The following RBFOX1 variants were observed in gnomAD, a reference collection of about 807,000 sequenced individuals.
RBFOX1 encodes the protein RNA binding fox-1 homolog 1, also known as RNA binding protein fox-1 homolog 1.
Under a neutral mutation model 57.7 loss-of-function variants are expected in RBFOX1, and 8 were observed. The ratio of observed to expected loss-of-function variants is 0.14; its 90% CI spans 0.08 to 0.25. The LOEUF (loss-of-function observed/expected upper bound fraction) is 0.25, where lower values mean the gene tolerates loss of function less well. RBFOX1 is among the 10% of genes least tolerant of loss of function. RBFOX1 has a pLI of 1.00. For missense variants in RBFOX1, 611 were observed against 548.5 expected (o/e 1.11, Z -1.14); for synonymous variants, 326 against 222.4 (o/e 1.47, Z -4.15).
intron 11 of RBFOX1, among the ~76,000 whole-genome samples, chr16:7,641,550 C>G (rs562129937): frequency 1.3e-5 from 2 of 152,284 alleles, no homozygotes; most frequent in South Asian, 4.1e-4. Context: ...ATGCCTAATA[C>G]TTTTCATATG....
intron 14 of RBFOX1, among the ~76,000 whole-genome samples, chr16:7,683,580 G>A (rs2075395824): frequency 6.6e-6 from 1 of 151,836 alleles, no homozygotes; most frequent in Non-Finnish European, 1.5e-5. Flanking sequence ...CAGCCACGTG[G>A]GTAGACACTT....
intron 4 of RBFOX1, among the ~76,000 whole-genome samples, chr16:7,112,679 G>GTGTGTGTGTGTGTTTGTGTGTGT (rs369771164): frequency 1.4e-5 from 2 of 141,898 alleles, no homozygotes; most frequent in African/African-American, 5.1e-5. Context: ...TGTGTGTGTG[G>GTGTGTGTGTGTGTTTGTGTGTGT]GTGTGGGTGT....
intron 1 of RBFOX1, chr16:6,056,874 T>G (rs1596780764): frequency 6.7e-6 from 1 of 148,206 alleles, no homozygotes; most frequent in Admixed American, 6.9e-5. Context: ...ACTCTGGAAG[T>G]GAGCTGCATA....
At chr16:5,550,553 A>G (rs545823889) in intron 2 of RBFOX1, among the ~76,000 whole-genome samples, 1 of 152,204 alleles carries the variant, frequency 6.6e-6, no homozygotes, top group Non-Finnish European at 1.5e-5. Context: ...GTTATTTCAG[A>G]CCTGTCACAT....
chr16:6,990,432 G>A (rs1244582853), intron 3 of RBFOX1, among the ~76,000 whole-genome samples: 3 of 152,086 alleles, frequency 2.0e-5, no homozygotes, highest in Non-Finnish European at 4.4e-5. Flanking sequence ...GTCGGAGGCA[G>A]GAGAATCGCT....
intron 4 of RBFOX1, among the ~76,000 whole-genome samples, chr16:7,490,179 A>T (rs933543070): frequency 1.3e-5 from 2 of 152,156 alleles, no homozygotes; most frequent in African/African-American, 4.8e-5. Flanking sequence ...GAAATGTCTG[A>T]TTTGACGTTT....
chr16:7,544,865 A>G (rs371717897), intron 5 of RBFOX1, among the ~76,000 whole-genome samples: 1 of 152,130 alleles, frequency 6.6e-6, no homozygotes, highest in East Asian at 1.9e-4. Context: ...TTGCTTACCA[A>G]TTCTGGACAT....
intron 3 of RBFOX1, among the ~76,000 whole-genome samples, chr16:5,741,022 A>G (rs12051175): frequency 0.27 from 41,491 of 151,946 alleles, 6,199 homozygotes; most frequent in East Asian, 0.57. Flanking sequence ...AAAAATGTCT[A>G]TGTCTTGGTA....
At chr16:6,573,040 C>G (rs1481363527) in intron 2 of RBFOX1, among the ~76,000 whole-genome samples, 2 of 152,156 alleles carry the variant, frequency 1.3e-5, no homozygotes, top group African/African-American at 2.4e-5. Flanking sequence ...ACACTCAATT[C>G]TCCTACAGAC....
At chr16:6,083,936 C>T (rs2096049049) in intron 1 of RBFOX1, among the ~76,000 whole-genome samples, 1 of 152,146 alleles carries the variant, frequency 6.6e-6, no homozygotes, top group African/African-American at 2.4e-5. Flanking sequence ...AGAAGTCTCC[C>T]AAAGGAGCTT....
At chr16:5,676,607 T>A (rs576319461) in intron 3 of RBFOX1, among the ~76,000 whole-genome samples, 236 of 152,246 alleles carry the variant, frequency 1.6e-3, no homozygotes, top group Admixed American at 3.2e-3. Context: ...ATACCTGTAA[T>A]CCCAGCACTT....
intron 2 of RBFOX1, among the ~76,000 whole-genome samples, chr16:6,397,868 C>G (rs1490073297): frequency 6.6e-6 from 1 of 151,706 alleles, no homozygotes; most frequent in Non-Finnish European, 1.5e-5. Context: ...AAAAATATTA[C>G]AAAAGTGTAT....
chr16:6,307,053 A>C (rs962897663), intron 1 of RBFOX1, among the ~76,000 whole-genome samples: 2 of 152,234 alleles, frequency 1.3e-5, no homozygotes, highest in African/African-American at 4.8e-5. Context: ...TAAACATTAC[A>C]TCAGCGTAAG....
At chr16:6,257,738 T>G (rs2152619140) in intron 1 of RBFOX1, among the ~76,000 whole-genome samples, 1 of 152,324 alleles carries the variant, frequency 6.6e-6, no homozygotes, top group African/African-American at 2.4e-5. Flanking sequence ...TCCATGTTCC[T>G]GAAAAGGACA....
At chr16:6,406,101 C>G (rs1481734408) in intron 2 of RBFOX1, among the ~76,000 whole-genome samples, 5 of 152,198 alleles carry the variant, frequency 3.3e-5, no homozygotes, top group African/African-American at 1.2e-4. Context: ...GAATGCTTCT[C>G]TAAACTTTTC....
At chr16:6,072,300 T>G (rs957459958) in intron 1 of RBFOX1, among the ~76,000 whole-genome samples, 1 of 152,112 alleles carries the variant, frequency 6.6e-6, no homozygotes, top group Non-Finnish European at 1.5e-5. Context: ...AGCTCCAATT[T>G]AAGGTGAAAT....
intron 2 of RBFOX1, among the ~76,000 whole-genome samples, chr16:5,577,165 A>G (rs183720759): frequency 1.6e-4 from 25 of 152,296 alleles, no homozygotes; most frequent in Admixed American, 1.5e-3. Flanking sequence ...ATCAAATCAC[A>G]CATTTCCCCA....
At chr16:6,277,242 C>A (rs999028255) in intron 1 of RBFOX1, among the ~76,000 whole-genome samples, 1 of 152,108 alleles carries the variant, frequency 6.6e-6, no homozygotes, top group African/African-American at 2.4e-5. Flanking sequence ...AGGCAGATAA[C>A]TTCACCCTAG....
chr16:7,132,959 G>A (rs2070924650), intron 4 of RBFOX1, among the ~76,000 whole-genome samples: 1 of 152,144 alleles, frequency 6.6e-6, no homozygotes, highest in Admixed American at 6.5e-5. Flanking sequence ...TGATGAAACT[G>A]CAAACTAGAG....
Sources: gnomAD v4.1 joint callset for allele counts (sites outside exome capture counted in the v4.1 genomes callset) on GRCh38, gnomAD v4.1.1 for gene constraint, MANE v1.5 for transcripts, NCBI Gene and HGNC (gene_info 2026-07-23, HGNC 2026-07-21) for gene names.